The following MACROD2 variants were observed in gnomAD, a reference collection of about 807,000 sequenced individuals.
MACROD2 encodes the protein ADP-ribose glycohydrolase MACROD2.
Under a neutral mutation model 70.4 loss-of-function variants are expected in MACROD2, and 36 were observed. The observed-to-expected ratio is 0.51, with a 90% CI of 0.39 to 0.68. The LOEUF is 0.68. Ranked by LOEUF, MACROD2 falls within the 30% of genes least tolerant of loss-of-function variation. The pLI, the probability that MACROD2 is intolerant of heterozygous loss-of-function variation, is 0.00. For synonymous variants in MACROD2, 172 were observed against 178.8 expected, an observed-to-expected ratio of 0.96 and a Z score of 0.30; for missense variants, 496 against 538.4, an observed-to-expected ratio of 0.92 and a Z score of 0.78.
intron 7 of MACROD2, among the ~76,000 whole-genome samples, chr20:15,473,662 T>A (rs2046987305): frequency 6.6e-6 from 1 of 152,184 alleles, no homozygotes; most frequent in African/African-American, 2.4e-5. Flanking sequence ...GCATGCATTT[T>A]AAAAAATAAT....
chr20:14,464,571 T>C (rs62204411), intron 3 of MACROD2, among the ~76,000 whole-genome samples: 22,683 of 152,070 alleles, frequency 0.15, 2,401 homozygotes, highest in Non-Finnish European at 0.21. Context: ...TCTTGCCTTC[T>C]GCTAGCTTTT....
chr20:14,645,287 T>A (rs1985325751), intron 4 of MACROD2, among the ~76,000 whole-genome samples: 1 of 152,120 alleles, frequency 6.6e-6, no homozygotes, highest in Admixed American at 6.6e-5. Context: ...GTCTGTTGAA[T>A]TTTTCATTGT....
rs547675741 is a variant in MACROD2, at chr20:14,988,150, G to A, written c.419-241790G>A. Among the ~76,000 whole-genome samples, 95 of 152,108 alleles carry A rather than the reference G, an allele frequency of 6.2e-4. 1 individual carries two copies. Among genetic ancestry groups the A allele is most frequent in the African/African-American group, 2.1e-3 (89 of 41,506 alleles). ...AGGTCGAGGCGGGCAGATCACCTGA[G>A]GTCAGGAGTTCGAGATGAGCCTGGG... On this transcript the variant is annotated intron_variant, in intron 5 of 17. Coordinates refer to ENST00000684519, the MANE Select transcript of MACROD2 (RefSeq NM_001351661.2).
intron 4 of MACROD2, among the ~76,000 whole-genome samples, chr20:14,590,176 G>T (rs527290167): frequency 2.0e-3 from 310 of 152,224 alleles, no homozygotes; most frequent in African/African-American, 6.9e-3. Flanking sequence ...GAATGCTTTT[G>T]ATCATGAAAA....
At position 15,460,995 on chromosome 20, in the gene MACROD2, TATATA is replaced by T. The variant is rs1468550875; in HGVS notation, c.571+29561_571+29565del. ...CTCTCTCCATATATATATATATATA[TATATA>T]TATATATTTTTTTTTAATAGATGGG... is the stretch of plus-strand genomic sequence containing the variant. On this transcript the variant is annotated intron_variant, in intron 7 of 17. Transcript: ENST00000684519. 5.8e-3 allele frequency among the ~76,000 whole-genome samples: 481 copies of T among 83,556 alleles called. 11 individuals are homozygous for T. Among genetic ancestry groups the T allele is most frequent in the African/African-American group, 0.019 (411 of 21,290 alleles). The allele number at this position is 83,556 out of a possible 152,430, so 54.8% of individuals were successfully genotyped here.
At chr20:15,796,323 C>G (rs2063673641) in intron 8 of MACROD2, among the ~76,000 whole-genome samples, 1 of 152,198 alleles carries the variant, frequency 6.6e-6, no homozygotes, top group South Asian at 2.1e-4. Flanking sequence ...TTTTGAGGCT[C>G]AGGCCAAAAT....
chr20:14,476,452 C>G (rs2084595668), intron 3 of MACROD2, among the ~76,000 whole-genome samples: 1 of 152,120 alleles, frequency 6.6e-6, no homozygotes, highest in Non-Finnish European at 1.5e-5. Flanking sequence ...GCTTCCCAGG[C>G]TCAAGCGATT....
At chr20:14,667,420 C>T (rs1265385978) in intron 4 of MACROD2, among the ~76,000 whole-genome samples, 1 of 152,194 alleles carries the variant, frequency 6.6e-6, no homozygotes, top group Non-Finnish European at 1.5e-5. Context: ...CCAAGTGTTA[C>T]ATTATGCACA....
chr20:15,652,171 A>G (rs1266095276), intron 8 of MACROD2, among the ~76,000 whole-genome samples: 1 of 152,114 alleles, frequency 6.6e-6, no homozygotes, highest in African/African-American at 2.4e-5. Context: ...CTCCATGATT[A>G]TTTATCAAAA....
intron 6 of MACROD2, among the ~76,000 whole-genome samples, chr20:15,408,379 G>T (rs561601139): frequency 5.9e-5 from 9 of 152,254 alleles, no homozygotes; most frequent in East Asian, 1.9e-4. Flanking sequence ...CCCAGCCTTG[G>T]TAGTATTCAC....
chr20:14,183,709 G>T (rs984918170), intron 3 of MACROD2, among the ~76,000 whole-genome samples: 1 of 152,022 alleles, frequency 6.6e-6, no homozygotes, highest in African/African-American at 2.4e-5. Flanking sequence ...GTTATTTTGT[G>T]ACTTTTTAAT....
intron 3 of MACROD2, among the ~76,000 whole-genome samples, chr20:14,269,228 A>G (rs746733848): frequency 1.3e-5 from 2 of 152,238 alleles, no homozygotes; most frequent in African/African-American, 2.4e-5. Flanking sequence ...GAACTAGCCA[A>G]ATAAAGCATA....
intron 8 of MACROD2, among the ~76,000 whole-genome samples, chr20:15,726,812 A>T (rs1019442925): frequency 6.6e-6 from 1 of 151,920 alleles, no homozygotes; most frequent in African/African-American, 2.4e-5. Flanking sequence ...TAAATTCCTT[A>T]TACATTCTGG....
intron 8 of MACROD2, among the ~76,000 whole-genome samples, chr20:15,555,828 CAAAAAAA>C (rs397838341): frequency 4.0e-3 from 74 of 18,566 alleles, no homozygotes; most frequent in East Asian, 9.3e-3. Context: ...GACTCCATCT[CAAAAAAA>C]AAAAAAAAAA....
chr20:15,061,119 T>C (rs2075529277), intron 5 of MACROD2, among the ~76,000 whole-genome samples: 1 of 152,208 alleles, frequency 6.6e-6, no homozygotes. Flanking sequence ...ATGCTTGTGA[T>C]AGTGTATGCT....
intron 4 of MACROD2, among the ~76,000 whole-genome samples, chr20:14,619,867 C>T (rs1983731400): frequency 6.6e-6 from 1 of 152,148 alleles, no homozygotes; most frequent in South Asian, 2.1e-4. Flanking sequence ...GATGGGAGCT[C>T]TGTGCTGCTT....
At chr20:14,954,088 T>C (rs62202788) in intron 5 of MACROD2, among the ~76,000 whole-genome samples, 7,774 of 152,252 alleles carry the variant, frequency 0.051, 287 homozygotes, top group Non-Finnish European at 0.074. Flanking sequence ...TTTGTTGTTA[T>C]GTGAGACACC....
chr20:14,538,163 A>G (rs1370290336), intron 4 of MACROD2, among the ~76,000 whole-genome samples: 1 of 152,212 alleles, frequency 6.6e-6, no homozygotes, highest in Non-Finnish European at 1.5e-5. Flanking sequence ...GTAGAGAACG[A>G]TTACCTGTCC....
intron 5 of MACROD2, among the ~76,000 whole-genome samples, chr20:15,103,093 A>T (rs1203372060): frequency 6.6e-6 from 1 of 152,168 alleles, no homozygotes; most frequent in Non-Finnish European, 1.5e-5. Context: ...AATTGTGAAA[A>T]GGGATTGTGA....
Sources: allele counts gnomAD v4.1 joint callset (sites outside exome capture counted in the v4.1 genomes callset), GRCh38; gene constraint gnomAD v4.1.1; transcripts MANE v1.5; gene names NCBI Gene and HGNC (gene_info 2026-07-23, HGNC 2026-07-21).